Variants in SNTB2 observed in about 807,000 individuals in gnomAD.
SNTB2 encodes syntrophin beta 2, also known as beta-2-syntrophin.
A neutral mutation model predicts 46.2 loss-of-function variants in SNTB2; 34 were observed. The ratio of observed to expected loss-of-function variants is 0.74; its 90% CI spans 0.56 to 0.98. SNTB2 has a LOEUF of 0.98. Among genes scored for constraint, SNTB2 ranks in the 50% least tolerant of loss-of-function variants. The pLI is 0.00. For missense variants in SNTB2, 603 were observed against 731.4 expected (o/e 0.82, Z 2.02); for synonymous variants, 290 against 312.6 (o/e 0.93, Z 0.76).
Position 69,303,864 on chromosome 16 carries a change from C to T in SNTB2, c.*2940C>T, listed in dbSNP as rs1051798729. 6.6e-6 allele frequency: 1 copy of T among 152,488 alleles called. No homozygotes were observed. Among genetic ancestry groups the T allele is most frequent in the African/African-American group, 2.4e-5 (1 of 41,436 alleles). 9.4% of individuals were successfully genotyped at this position (152,488 alleles called of 1,614,324 possible). On this transcript the variant is annotated 3_prime_UTR_variant, in exon 7 of 7. Transcript: ENST00000336278. ...TATTCTACCTTTTTTATAGAACCAG[C>T]TCACTTTTCATTTCTTTTTCATTTT...
At chr16:69,195,523 G>A (rs1373874577) in intron 1 of SNTB2, among the ~76,000 whole-genome samples, 2 of 151,094 alleles carry the variant, frequency 1.3e-5, no homozygotes, top group African/African-American at 4.9e-5. Flanking sequence ...GGAATGTATT[G>A]CCTTATGTAA....
At position 69,216,301 on chromosome 16, in the gene SNTB2, C is replaced by T. The variant is rs370680227; in HGVS notation, c.580+28555C>T. ...ATACCTGAAATTTGTATGGCTTTCA[C>T]AATTTTTAAAATTATTTTTCACAAG... is the stretch of plus-strand genomic sequence containing the variant. On this transcript the variant is annotated intron_variant, in intron 1 of 6. Coordinates refer to ENST00000336278, the MANE Select transcript of SNTB2 (RefSeq NM_006750.4). Among the ~76,000 whole-genome samples the T allele has an allele frequency of 2.5e-4, 38 of 152,166 alleles. 3 individuals are homozygous for T. The highest frequency in any genetic ancestry group is 2.0e-3 in the Admixed American group (30 of 15,270).
chr16:69,238,326 C>G (rs759558232), intron 1 of SNTB2, among the ~76,000 whole-genome samples: 40 of 152,186 alleles, frequency 2.6e-4, no homozygotes, highest in South Asian at 6.2e-4. Context: ...TACCCACTCT[C>G]TTTCCTATTT....
At chr16:69,233,319 T>TA (rs1394871248) in intron 1 of SNTB2, among the ~76,000 whole-genome samples, 3 of 152,196 alleles carry the variant, frequency 2.0e-5, no homozygotes, top group Non-Finnish European at 4.4e-5. Context: ...TCTCCACTGT[T>TA]ATCACAAATC....
intron 1 of SNTB2, among the ~76,000 whole-genome samples, chr16:69,230,667 A>AT (rs1964498146): frequency 6.9e-6 from 1 of 144,512 alleles, no homozygotes; most frequent in African/African-American, 2.6e-5. Flanking sequence ...GGCCGGGTTC[A>AT]TTTTTTCAAA....
intron 1 of SNTB2, among the ~76,000 whole-genome samples, chr16:69,211,670 T>A (rs1220345084): frequency 6.6e-6 from 1 of 152,196 alleles, no homozygotes; most frequent in Non-Finnish European, 1.5e-5. Context: ...AAATTTGGGA[T>A]AACCTGAGCA....
chr16:69,259,917 T>C, intron 2 of SNTB2, 133 bp from the exon 3 acceptor site: 1 of 764,602 alleles, frequency 1.3e-6, no homozygotes, highest in Admixed American at 2.1e-5. Flanking sequence ...GCCAAGAAAG[T>C]ATCTTTATTT....
intron 5 of SNTB2, among the ~76,000 whole-genome samples, chr16:69,298,854 G>C (rs891716470): frequency 6.6e-6 from 1 of 152,014 alleles, no homozygotes; most frequent in Non-Finnish European, 1.5e-5. Flanking sequence ...CTATCTGAAG[G>C]CCCATCTCCT....
At chr16:69,226,059 AG>A (rs1237185994) in intron 1 of SNTB2, among the ~76,000 whole-genome samples, 1 of 144,650 alleles carries the variant, frequency 6.9e-6, no homozygotes, top group African/African-American at 2.6e-5. Flanking sequence ...TGAGATGCCC[AG>A]TTCTTCTGTT....
At chr16:69,253,454 C>G (rs1597187979) in intron 2 of SNTB2, among the ~76,000 whole-genome samples, 1 of 151,606 alleles carries the variant, frequency 6.6e-6, no homozygotes, top group East Asian at 2.0e-4. Context: ...TCGAGACCAT[C>G]CTGGTTAACA....
At chr16:69,251,214 G>A (rs1422772507) in intron 2 of SNTB2, among the ~76,000 whole-genome samples, 5 of 151,232 alleles carry the variant, frequency 3.3e-5, no homozygotes, top group Admixed American at 6.6e-5. Context: ...TGCTGACCTC[G>A]TGATCTGCCC....
At chr16:69,238,686 T>G (rs1308592463) in intron 1 of SNTB2, among the ~76,000 whole-genome samples, 1 of 152,162 alleles carries the variant, frequency 6.6e-6, no homozygotes, top group Non-Finnish European at 1.5e-5. Flanking sequence ...CCTTCTAGCC[T>G]TGTTCGGGAC....
chr16:69,197,208 A>T (rs553643406), intron 1 of SNTB2, among the ~76,000 whole-genome samples: 1 of 152,360 alleles, frequency 6.6e-6, no homozygotes, highest in African/African-American at 2.4e-5. Flanking sequence ...TATTTCATAC[A>T]TTATAAGTGG....
chr16:69,198,896 GT>G (rs1206371769), intron 1 of SNTB2, among the ~76,000 whole-genome samples: 6,478 of 127,656 alleles, frequency 0.051, 102 homozygotes, highest in Non-Finnish European at 0.073. Flanking sequence ...ATATAATAAT[GT>G]TTTTTTTTTT....
intron 5 of SNTB2, among the ~76,000 whole-genome samples, chr16:69,287,325 T>G (rs1407752484): frequency 1.3e-5 from 2 of 152,158 alleles, no homozygotes; most frequent in Non-Finnish European, 2.9e-5. Context: ...ATCCCAGCAC[T>G]TTGAGAGGCC....
chr16:69,189,856 T>A (rs1964034082), intron 1 of SNTB2, among the ~76,000 whole-genome samples: 1 of 152,238 alleles, frequency 6.6e-6, no homozygotes. Flanking sequence ...TTTATTGGGC[T>A]AAAATAGGCC....
intron 5 of SNTB2, among the ~76,000 whole-genome samples, chr16:69,291,395 C>A (rs969780897): frequency 2.0e-5 from 3 of 152,160 alleles, no homozygotes; most frequent in Non-Finnish European, 4.4e-5. Context: ...ACACTGATAA[C>A]CACCAGCAGT....
intron 2 of SNTB2, among the ~76,000 whole-genome samples, chr16:69,256,263 C>T (rs902451151): frequency 6.6e-6 from 1 of 152,060 alleles, no homozygotes; most frequent in Non-Finnish European, 1.5e-5. Context: ...CAAGTGATTT[C>T]CCCGCCTCAG....
chr16:69,306,908 G>A lies in SNTB2; in HGVS notation c.*5984G>A, dbSNP rs1965321228. On this transcript the variant is annotated 3_prime_UTR_variant, in exon 7 of 7. Coordinates refer to ENST00000336278, the MANE Select transcript of SNTB2 (RefSeq NM_006750.4). ...GCTGAGATCATGCCATTGCACTCCA[G>A]CCTGGGCAACAGAGCGAGACTTCAT... 6.6e-6 allele frequency: 1 copy of A among 152,224 alleles called. No individual in the cohort carries two copies. The highest frequency in any genetic ancestry group is 2.4e-5 in the African/African-American group (1 of 41,426). The allele number at this position is 152,224 out of a possible 1,614,324, so 9.4% of individuals were successfully genotyped here. A position where few individuals can be genotyped will look rare whatever the true frequency, so the allele number is the denominator to read the frequency against.
Sources: allele counts gnomAD v4.1 joint callset (sites outside exome capture counted in the v4.1 genomes callset), GRCh38; gene constraint gnomAD v4.1.1; transcripts MANE v1.5; gene names NCBI Gene and HGNC (gene_info 2026-07-23, HGNC 2026-07-21).